Variants in NPAS3 observed in about 807,000 individuals in gnomAD.
NPAS3 encodes the protein neuronal PAS domain protein 3.
NPAS3 carries 14 observed loss-of-function variants against 73.1 expected under a neutral mutation model. The ratio of observed to expected loss-of-function variants is 0.19; its 90% confidence interval spans 0.13 to 0.30. NPAS3 has a LOEUF of 0.30. Among genes scored for constraint, NPAS3 ranks in the 10% least tolerant of loss-of-function variants. NPAS3 has a pLI of 1.00. For synonymous variants in NPAS3, 620 were observed against 541.5 expected, an observed-to-expected ratio of 1.14 and a Z score of -2.01; for missense variants, 1,096 against 1,250.0, an observed-to-expected ratio of 0.88 and a Z score of 1.86.
At chr14:33,055,284 C>T (rs968772888) in intron 1 of NPAS3, among the ~76,000 whole-genome samples, 1 of 152,142 alleles carries the variant, frequency 6.6e-6, no homozygotes, top group African/African-American at 2.4e-5. Context: ...GCCTTAACTG[C>T]CAAGAAACCT....
chr14:33,535,687 A>G (rs962361783), intron 4 of NPAS3, among the ~76,000 whole-genome samples: 1 of 152,018 alleles, frequency 6.6e-6, no homozygotes, highest in African/African-American at 2.4e-5. Context: ...ATTTTTGCTT[A>G]TTTGTATTTT....
intron 3 of NPAS3, among the ~76,000 whole-genome samples, chr14:33,356,132 A>G (rs943365724): frequency 6.6e-6 from 1 of 152,276 alleles, no homozygotes; most frequent in Admixed American, 6.5e-5. Flanking sequence ...CAGAGTATAC[A>G]TTGAACTGTG....
chr14:33,563,662 CCAGTTACT>C (rs985457596), intron 5 of NPAS3, among the ~76,000 whole-genome samples: 1 of 151,768 alleles, frequency 6.6e-6, no homozygotes, highest in African/African-American at 2.4e-5. Context: ...AAAATGATGC[CCAGTTACT>C]CACCAAGAGG....
chr14:33,077,403 T>C (rs181140191), intron 2 of NPAS3, among the ~76,000 whole-genome samples: 8 of 152,314 alleles, frequency 5.3e-5, no homozygotes, highest in African/African-American at 1.9e-4. Flanking sequence ...TCTTTCCTGT[T>C]TCCTGTGTTT....
intron 5 of NPAS3, among the ~76,000 whole-genome samples, chr14:33,569,672 C>A (rs1274922431): frequency 2.0e-5 from 3 of 152,080 alleles, no homozygotes; most frequent in Non-Finnish European, 4.4e-5. Context: ...AAGGAACATG[C>A]AGATAGAGGA....
At chr14:33,047,709 CTT>C (rs2040558106) in intron 1 of NPAS3, among the ~76,000 whole-genome samples, 1 of 152,116 alleles carries the variant, frequency 6.6e-6, no homozygotes, top group African/African-American at 2.4e-5. Flanking sequence ...TTGTGGAATG[CTT>C]TTTGGTAGTT....
chr14:33,800,132 G>T lies in NPAS3; in HGVS notation c.1825G>T (p.Gly609Cys), dbSNP rs766694241. 13 of 1,582,590 alleles carry T rather than the reference G, an allele frequency of 8.2e-6. No individual in the cohort carries two copies. The highest frequency in any genetic ancestry group is 1.1e-5 in the Non-Finnish European group (13 of 1,166,048). The stretch of plus-strand genomic sequence containing the variant: ...CAAGAAAAGGCGGAAACGGCAAAAG[G>T]GCGGCAGCGCCAGCCGCCGGCGCCT... Residue 609 changes from glycine to cysteine, a missense_variant, in exon 12 of 12, where the codon GGC becomes TGC. Physicochemically the swap from Gly to Cys is radical, Grantham distance 159 (BLOSUM62 -3). Around this residue, in one of 5 missense-constraint regions of NPAS3, gnomAD observed 698 missense variants for 676.7 expected, o/e 1.03. Transcript: ENST00000356141. The surrounding 1 kb of genome is among the most constrained non-coding windows in gnomAD (Gnocchi z 6.5).
chr14:33,322,286 T>C (rs2140240781), intron 3 of NPAS3, among the ~76,000 whole-genome samples: 1 of 152,330 alleles, frequency 6.6e-6, no homozygotes, highest in East Asian at 1.9e-4. Context: ...TCCGTCAGTA[T>C]CCCTTGGTTA....
At chr14:33,697,843 G>A (rs2060427110) in intron 6 of NPAS3, among the ~76,000 whole-genome samples, 1 of 152,212 alleles carries the variant, frequency 6.6e-6, no homozygotes, top group Admixed American at 6.5e-5. Flanking sequence ...GAATTGTGTA[G>A]CTAGTTCTTT....
At chr14:33,217,113 G>C (rs992769916) in intron 3 of NPAS3, among the ~76,000 whole-genome samples, 6 of 152,134 alleles carry the variant, frequency 3.9e-5, no homozygotes, top group African/African-American at 1.4e-4. Flanking sequence ...CATGGCAGCA[G>C]GAGAGAGAAA....
chr14:32,986,999 G>A (rs553972420), intron 1 of NPAS3, among the ~76,000 whole-genome samples: 1 of 152,144 alleles, frequency 6.6e-6, no homozygotes, highest in Non-Finnish European at 1.5e-5. Context: ...GGGCTTTGCC[G>A]GGAAGAGAGC....
At chr14:33,029,448 G>T (rs1289291153) in intron 1 of NPAS3, among the ~76,000 whole-genome samples, 1 of 152,090 alleles carries the variant, frequency 6.6e-6, no homozygotes, top group Non-Finnish European at 1.5e-5. Flanking sequence ...AGTTTCTTAG[G>T]AGAGCTCTTG....
intron 5 of NPAS3, among the ~76,000 whole-genome samples, chr14:33,624,505 G>A (rs79645822): frequency 0.083 from 12,489 of 151,292 alleles, 1,631 homozygotes; most frequent in African/African-American, 0.28. Flanking sequence ...GAGGTCCTTG[G>A]CATAAAGAAT....
intron 8 of NPAS3, among the ~76,000 whole-genome samples, chr14:33,775,273 A>T (rs12434504): frequency 0.2 from 29,849 of 152,100 alleles, 3,031 homozygotes; most frequent in Admixed American, 0.24. Context: ...AGGGCCGTGG[A>T]GAGGAGCCGC....
chr14:32,992,750 T>A (rs1423885411), intron 1 of NPAS3, among the ~76,000 whole-genome samples: 1 of 152,104 alleles, frequency 6.6e-6, no homozygotes, highest in Non-Finnish European at 1.5e-5. Context: ...AAATTTAGAA[T>A]GGAGAGAATT....
At chr14:33,461,062 G>T (rs1053844866) in intron 4 of NPAS3, among the ~76,000 whole-genome samples, 1 of 152,166 alleles carries the variant, frequency 6.6e-6, no homozygotes, top group South Asian at 2.1e-4. Context: ...GAATAAAACT[G>T]GTGCGGACGA....
intron 5 of NPAS3, among the ~76,000 whole-genome samples, chr14:33,650,921 T>C (rs1325572582): frequency 6.6e-6 from 1 of 152,070 alleles, no homozygotes; most frequent in African/African-American, 2.4e-5. Context: ...CTGATGCCCA[T>C]TGTAGGTCTG....
At chr14:33,300,909 C>T (rs1420751673) in intron 3 of NPAS3, among the ~76,000 whole-genome samples, 1 of 152,104 alleles carries the variant, frequency 6.6e-6, no homozygotes, top group Non-Finnish European at 1.5e-5. Context: ...CAGAGGCAGG[C>T]CCAAGCTTAG....
At chr14:32,939,892 G>A (rs2035909321) in intron 1 of NPAS3, among the ~76,000 whole-genome samples, 1 of 152,038 alleles carries the variant, frequency 6.6e-6, no homozygotes, top group African/African-American at 2.4e-5. Flanking sequence ...GGCCCGGAAT[G>A]TGTCGCGGAG....
Sources: gnomAD v4.1 joint callset for allele counts (sites outside exome capture counted in the v4.1 genomes callset) on GRCh38, gnomAD v4.1.1 for gene constraint, gnomAD v4.1.1 regional missense constraint, Gnocchi (gnomAD v3.1) non-coding constraint, MANE v1.5 for transcripts, NCBI Gene and HGNC (gene_info 2026-07-23, HGNC 2026-07-21) for gene names.